A2ML1: variants seen among roughly 807,000 people sequenced by gnomAD.
The protein encoded by A2ML1 is alpha-2-macroglobulin-like protein 1.
A2ML1 carries 161 observed loss-of-function variants against 181.9 expected under a neutral mutation model. The observed-to-expected ratio is 0.89, with a 90% CI of 0.78 to 1.01. The LOEUF is 1.01. A2ML1 is among the 50% of genes least tolerant of loss of function. The pLI is 0.00. For synonymous variants in A2ML1, 663 were observed against 666.8 expected, an observed-to-expected ratio of 0.99 and a Z score of 0.09; for missense variants, 1,670 against 1,768.1, an observed-to-expected ratio of 0.94 and a Z score of 1.00.
intron 3 of A2ML1, among the ~76,000 whole-genome samples, chr12:8,824,222 G>GTTTTT (rs34400836): frequency 1.8e-4 from 17 of 92,308 alleles, no homozygotes; most frequent in Non-Finnish European, 2.5e-4. Flanking sequence ...AGCTACTGGG[G>GTTTTT]TTTTTTTTTT....
chr12:8,875,654 G>T (rs1944778406), intron 35 of A2ML1: 1 of 152,040 alleles, frequency 6.6e-6, no homozygotes, highest in Non-Finnish European at 1.5e-5. Context: ...GGTCAGGCTG[G>T]TCTCAAACTC....
At chr12:8,858,846 G>A (rs183928287) in intron 26 of A2ML1, among the ~76,000 whole-genome samples, 4 of 152,152 alleles carry the variant, frequency 2.6e-5, no homozygotes, top group African/African-American at 9.6e-5. Flanking sequence ...AATCCATCTG[G>A]GAAAGCCATT....
At chr12:8,865,330 G>A (rs1237444388) in intron 29 of A2ML1, among the ~76,000 whole-genome samples, 1 of 150,468 alleles carries the variant, frequency 6.6e-6, no homozygotes, top group Non-Finnish European at 1.5e-5. Context: ...ACCTGAGGTC[G>A]GGAGTTCGAG....
chr12:8,869,325 C>A, intron 33 of A2ML1, 122 bp downstream of exon 33: 2 of 949,508 alleles, frequency 2.1e-6, no homozygotes, highest in Non-Finnish European at 3.3e-6. Context: ...TGAGTCCACA[C>A]CATGCCATGA....
intron 2 of A2ML1, 88 bp from the exon 3 acceptor site, chr12:8,823,632 T>A (rs1942822005): frequency 6.9e-7 from 1 of 1,445,900 alleles, no homozygotes; most frequent in Non-Finnish European, 9.4e-7. Flanking sequence ...AACTCAGCTC[T>A]TTCCTTTAAC....
At chr12:8,869,104 A>G (rs1944533864) in intron 32 of A2ML1, 31 bp from the exon 33 acceptor site, 2 of 1,610,802 alleles carry the variant, frequency 1.2e-6, no homozygotes, top group Non-Finnish European at 1.7e-6. Context: ...TCTGGCTCTT[A>G]GTATCTTTTT....
intron 9 of A2ML1, 66 bp downstream of exon 9, chr12:8,838,516 T>C (rs1193009601): frequency 2.3e-6 from 3 of 1,289,034 alleles, no homozygotes; most frequent in African/African-American, 2.9e-5. Context: ...CAGGGACAGA[T>C]TTACTCCAAG....
At chr12:8,830,822 T>C (rs1943086828) in intron 4 of A2ML1, 1 of 152,178 alleles carries the variant, frequency 6.6e-6, no homozygotes, top group Admixed American at 6.5e-5. Flanking sequence ...AGTTATTAGC[T>C]TGTTATGATT....
At chr12:8,848,545 G>A (rs375874869) in intron 15 of A2ML1, among the ~76,000 whole-genome samples, 175 bp from the exon 16 acceptor site, 2 of 152,136 alleles carry the variant, frequency 1.3e-5, no homozygotes, top group African/African-American at 4.8e-5. Flanking sequence ...TGAGATAGAG[G>A]TTAAAGTTTT....
intron 6 of A2ML1, 115 bp from the exon 7 acceptor site, chr12:8,836,140 C>G: frequency 8.1e-4 from 584 of 717,716 alleles, no homozygotes; most frequent in Non-Finnish European, 1.2e-3. Flanking sequence ...CTAAATAATG[C>G]CTCCTTCATT....
intron 4 of A2ML1, among the ~76,000 whole-genome samples, chr12:8,830,235 AAAAAC>A (rs1375859534): frequency 6.6e-5 from 10 of 151,860 alleles, no homozygotes; most frequent in Non-Finnish European, 1.5e-4. Flanking sequence ...TATTTTTAGT[AAAAAC>A]AGGGTTACAT....
chr12:8,853,068 C>T (rs1457404851), intron 20 of A2ML1, among the ~76,000 whole-genome samples: 1 of 152,128 alleles, frequency 6.6e-6, no homozygotes, highest in Non-Finnish European at 1.5e-5. Context: ...GGTCATTGCT[C>T]ACTGCAGCCT....
intron 20 of A2ML1, among the ~76,000 whole-genome samples, chr12:8,853,760 G>T (rs1257194433): frequency 6.6e-6 from 1 of 152,186 alleles, no homozygotes; most frequent in Non-Finnish European, 1.5e-5. Context: ...GAGAAAAGGG[G>T]TGCACCCAAG....
chr12:8,867,965 GT>G lies in A2ML1; in HGVS notation c.3843del (p.Asn1282ThrfsTer33). 1 of 1,614,248 alleles carries G rather than the reference GT, an allele frequency of 6.2e-7. No homozygotes were observed. The highest frequency in any genetic ancestry group is 8.5e-7 in the Non-Finnish European group (1 of 1,180,050). On this transcript the variant is annotated frameshift_variant, in exon 30 of 36. Coordinates refer to ENST00000299698, the MANE Select transcript of A2ML1 (RefSeq NM_144670.6). LOFTEE classifies it high-confidence loss of function. ...NFQRTFNIQS[V>X]NRLVFQQDTL... Reference sequence around the variant, plus strand: ...CCAGCGCACATTCAACATACAGTCAGTTAACAGATTGGTATTTCAGCAGGAT... The same window carrying G: ...CCAGCGCACATTCAACATACAGTCAGTAACAGATTGGTATTTCAGCAGGAT...
At chr12:8,827,972 CTT>C (rs1269776787) in intron 3 of A2ML1, among the ~76,000 whole-genome samples, 3 of 152,220 alleles carry the variant, frequency 2.0e-5, no homozygotes, top group Admixed American at 6.5e-5. Flanking sequence ...GAGTTTCTCT[CTT>C]TGTGCTGAGC....
At chr12:8,846,726 G>A (rs771571093) in intron 14 of A2ML1, among the ~76,000 whole-genome samples, 30 of 151,016 alleles carry the variant, frequency 2.0e-4, no homozygotes, top group Admixed American at 1.3e-3. Context: ...CAGGAGAATT[G>A]CATGAACCCA....
chr12:8,879,464 CT>C (rs1052850113), downstream of A2ML1, among the ~76,000 whole-genome samples: 4 of 151,898 alleles, frequency 2.6e-5, no homozygotes. Flanking sequence ...GCACTCCAGC[CT>C]GGGGGACAGA....
chr12:8,858,852 C>T (rs779570698), intron 26 of A2ML1, among the ~76,000 whole-genome samples: 1 of 152,216 alleles, frequency 6.6e-6, no homozygotes, highest in East Asian at 1.9e-4. Flanking sequence ...TCTGGGAAAG[C>T]CATTTCCTGT....
At chr12:8,824,614 A>T (rs962694875) in intron 3 of A2ML1, among the ~76,000 whole-genome samples, 6 of 151,982 alleles carry the variant, frequency 3.9e-5, no homozygotes, top group Non-Finnish European at 7.4e-5. Context: ...AGCTAAATAT[A>T]TTTTTGTACC....
Sources: allele counts gnomAD v4.1 joint callset (sites outside exome capture counted in the v4.1 genomes callset), GRCh38; gene constraint gnomAD v4.1.1; transcripts MANE v1.5; gene names NCBI Gene and HGNC (gene_info 2026-07-23, HGNC 2026-07-21).